Variants in SCHIP1 observed in about 807,000 individuals in gnomAD.
SCHIP1 encodes the protein schwannomin interacting protein 1.
A neutral mutation model predicts 29.7 loss-of-function variants in SCHIP1; 8 were observed. The ratio of observed to expected loss-of-function variants is 0.27; its 90% CI spans 0.16 to 0.49. The LOEUF is 0.49. Among genes scored for constraint, SCHIP1 ranks in the 20% least tolerant of loss-of-function variants. The probability of loss-of-function intolerance (pLI) is 0.99; values close to 1 mark genes in which losing one functional copy is unlikely to be tolerated. For synonymous variants in SCHIP1, 76 were observed against 94.9 expected, an observed-to-expected ratio of 0.80 and a Z score of 1.16; for missense variants, 193 against 294.6, an observed-to-expected ratio of 0.66 and a Z score of 2.52.
At chr3:159,279,812 A>G in the SCHIP1 span, among the ~76,000 whole-genome samples, 1 of 152,200 alleles carries the variant, frequency 6.6e-6, no homozygotes, top group Non-Finnish European at 1.5e-5. Flanking sequence ...AAGGGAACTA[A>G]AGGAAGTTGG....
chr3:159,486,586 TG>T, the SCHIP1 span, among the ~76,000 whole-genome samples: 4 of 152,254 alleles, frequency 2.6e-5, no homozygotes, highest in Non-Finnish European at 5.9e-5. Flanking sequence ...AGAATCACCA[TG>T]TCTTCTGATG....
the SCHIP1 span, among the ~76,000 whole-genome samples, chr3:159,700,000 C>T: frequency 6.6e-6 from 1 of 152,106 alleles, no homozygotes; most frequent in African/African-American, 2.4e-5. Context: ...TGCTAATGTT[C>T]TATAATGCCA....
At chr3:159,333,514 TACACACAC>T in the SCHIP1 span, among the ~76,000 whole-genome samples, 4 of 151,220 alleles carry the variant, frequency 2.6e-5, no homozygotes, top group Non-Finnish European at 4.4e-5. Context: ...TACACAAACA[TACACACAC>T]ACACACACTC....
Position 159,843,850 on chromosome 3 carries a change from T to C in SCHIP1, c.30+3636T>C, listed in dbSNP as rs559287464. ...AAAAAAAAAAAAAAAAAAAAAAGCA[T>C]TGTAAACATTCTATGGCATTTTGGT... On this transcript the variant is annotated intron_variant, in intron 1 of 6. Coordinates refer to ENST00000445224, the Ensembl canonical transcript of SCHIP1. 6.7e-3 allele frequency among the ~76,000 whole-genome samples: 883 copies of C among 132,754 alleles called. 5 individuals are homozygous for C. The highest frequency in any genetic ancestry group is 0.011 in the Admixed American group (158 of 13,942). 87.1% of individuals were successfully genotyped at this position (132,754 alleles called of 152,430 possible).
the SCHIP1 span, among the ~76,000 whole-genome samples, chr3:159,653,783 T>C: frequency 8.0e-5 from 12 of 150,724 alleles, no homozygotes; most frequent in African/African-American, 2.9e-4. Flanking sequence ...GATAGATCAG[T>C]AGGTGAATCT....
chr3:159,273,583 A>G, the SCHIP1 span: 11 of 1,277,868 alleles, frequency 8.6e-6, no homozygotes, highest in Non-Finnish European at 1.1e-5. Context: ...TCTCCCAAAA[A>G]GCTCTCGCTC....
At chr3:159,515,545 T>A in the SCHIP1 span, among the ~76,000 whole-genome samples, 1 of 152,224 alleles carries the variant, frequency 6.6e-6, no homozygotes, top group Admixed American at 6.5e-5. Context: ...GATTATAAAA[T>A]AAAATATATA....
At chr3:159,457,073 A>G in the SCHIP1 span, among the ~76,000 whole-genome samples, 3 of 152,278 alleles carry the variant, frequency 2.0e-5, no homozygotes, top group East Asian at 5.8e-4. Context: ...AAAAGCTTGC[A>G]TATGCCATTT....
At chr3:159,412,066 G>A in the SCHIP1 span, among the ~76,000 whole-genome samples, 1 of 152,106 alleles carries the variant, frequency 6.6e-6, no homozygotes, top group Non-Finnish European at 1.5e-5. Context: ...TGCATATATT[G>A]TCTTGTATAA....
At chr3:159,283,413 C>A in the SCHIP1 span, among the ~76,000 whole-genome samples, 1 of 152,204 alleles carries the variant, frequency 6.6e-6, no homozygotes, top group Non-Finnish European at 1.5e-5. Flanking sequence ...GCCTTGGCCT[C>A]CCAAACTGCT....
the SCHIP1 span, among the ~76,000 whole-genome samples, chr3:159,794,758 C>T: frequency 6.6e-6 from 1 of 152,054 alleles, no homozygotes; most frequent in Non-Finnish European, 1.5e-5. Flanking sequence ...ATTAGGAGCT[C>T]CTAGGAGAGG....
the SCHIP1 span, among the ~76,000 whole-genome samples, chr3:159,291,065 A>G: frequency 6.6e-5 from 10 of 152,250 alleles, no homozygotes; most frequent in Middle Eastern, 3.4e-3. Context: ...GTCTGTAAAA[A>G]CCAGAATTAC....
the SCHIP1 span, among the ~76,000 whole-genome samples, chr3:159,354,986 C>T: frequency 1.3e-5 from 2 of 152,082 alleles, no homozygotes; most frequent in African/African-American, 4.8e-5. Flanking sequence ...GAATCCATTG[C>T]CTCCCATAGA....
the SCHIP1 span, among the ~76,000 whole-genome samples, chr3:159,768,839 C>T: frequency 6.6e-6 from 1 of 152,150 alleles, no homozygotes; most frequent in Non-Finnish European, 1.5e-5. Flanking sequence ...GTGCCTGGCA[C>T]AAATAAATGC....
At chr3:159,521,282 C>T in the SCHIP1 span, among the ~76,000 whole-genome samples, 6 of 152,184 alleles carry the variant, frequency 3.9e-5, no homozygotes, top group Non-Finnish European at 8.8e-5. Context: ...AACAGGTAAG[C>T]CAGTTGTAGA....
chr3:159,710,257 C>T, the SCHIP1 span, among the ~76,000 whole-genome samples: 278 of 151,978 alleles, frequency 1.8e-3, no homozygotes, highest in Admixed American at 4.6e-3. Context: ...TAACATGCAG[C>T]CTTAAAAAAG....
the SCHIP1 span, among the ~76,000 whole-genome samples, chr3:159,337,950 G>A: frequency 6.6e-6 from 1 of 152,180 alleles, no homozygotes; most frequent in Non-Finnish European, 1.5e-5. Flanking sequence ...CCTGAAAAAT[G>A]TCAAAGAACA....
the SCHIP1 span, among the ~76,000 whole-genome samples, chr3:159,336,277 T>C: frequency 6.6e-6 from 1 of 152,204 alleles, no homozygotes; most frequent in Non-Finnish European, 1.5e-5. Context: ...GCAAAAATTT[T>C]CTCCCATTCT....
the SCHIP1 span, among the ~76,000 whole-genome samples, chr3:159,749,019 C>A: frequency 6.6e-6 from 1 of 152,104 alleles, no homozygotes; most frequent in African/African-American, 2.4e-5. Context: ...CGCCTATAAT[C>A]CCAGCACTTT....
Sources: allele counts gnomAD v4.1 joint callset (sites outside exome capture counted in the v4.1 genomes callset), GRCh38; gene constraint gnomAD v4.1.1; transcripts MANE v1.5; gene names NCBI Gene and HGNC (gene_info 2026-07-23, HGNC 2026-07-21).